CORO2B: variants seen among roughly 807,000 people sequenced by gnomAD.
CORO2B encodes the protein coronin-2B.
Under a neutral mutation model 58.8 loss-of-function variants are expected in CORO2B, and 26 were observed. The observed-to-expected ratio is 0.44, with a 90% CI of 0.32 to 0.61. The LOEUF is 0.61. CORO2B is among the 20% of genes least tolerant of loss of function. The pLI is 0.04. For missense variants in CORO2B, 460 were observed against 645.1 expected, an observed-to-expected ratio of 0.71 and a Z score of 3.11; for synonymous variants, 242 against 253.8, an observed-to-expected ratio of 0.95 and a Z score of 0.44.
chr15:68,521,940 C>T, the CORO2B span, among the ~76,000 whole-genome samples: 1 of 152,042 alleles, frequency 6.6e-6, no homozygotes, highest in East Asian at 1.9e-4. Flanking sequence ...GTAGATGAGA[C>T]TACAGACCAG....
chr15:68,630,874 G>T (rs1900809409), intron 1 of CORO2B, among the ~76,000 whole-genome samples: 1 of 152,192 alleles, frequency 6.6e-6, no homozygotes, highest in Non-Finnish European at 1.5e-5. Context: ...TCAAATGGAA[G>T]CAAAGGCGGG....
intron 6 of CORO2B, 105 bp downstream of exon 6, chr15:68,714,146 C>G: frequency 1.4e-6 from 1 of 716,042 alleles, no homozygotes; most frequent in Non-Finnish European, 2.4e-6. Flanking sequence ...ACCAGCTTCT[C>G]ATAGCATTCC....
At chr15:68,526,530 C>T in the CORO2B span, among the ~76,000 whole-genome samples, 1 of 152,086 alleles carries the variant, frequency 6.6e-6, no homozygotes, top group East Asian at 1.9e-4. Flanking sequence ...TGCTTATTGG[C>T]CATTGGTGCA....
chr15:68,650,965 C>T (rs1276033464), intron 2 of CORO2B, among the ~76,000 whole-genome samples: 2 of 152,072 alleles, frequency 1.3e-5, no homozygotes, highest in African/African-American at 4.8e-5. Context: ...ATCAGCCCTC[C>T]CTTATGTATG....
the CORO2B span, among the ~76,000 whole-genome samples, chr15:68,541,341 A>G: frequency 6.6e-6 from 1 of 152,202 alleles, no homozygotes; most frequent in Non-Finnish European, 1.5e-5. Flanking sequence ...TCCTATTGGC[A>G]CCAAGTAGTA....
chr15:68,684,293 G>A (rs1398576696), intron 2 of CORO2B, among the ~76,000 whole-genome samples: 1 of 152,200 alleles, frequency 6.6e-6, no homozygotes, highest in Non-Finnish European at 1.5e-5. Context: ...GACCCGCAAG[G>A]AGAAATGGAC....
At chr15:68,539,103 C>A in the CORO2B span, among the ~76,000 whole-genome samples, 6 of 152,144 alleles carry the variant, frequency 3.9e-5, no homozygotes. Flanking sequence ...GGAGACAGTC[C>A]AGTAACCAAA....
chr15:68,570,900 C>T, the CORO2B span, among the ~76,000 whole-genome samples: 4 of 151,312 alleles, frequency 2.6e-5, no homozygotes, highest in Admixed American at 2.0e-4. Context: ...CAGCCGCCCA[C>T]AGTGCTGGGA....
At chr15:68,563,260 G>T in the CORO2B span, among the ~76,000 whole-genome samples, 4 of 152,032 alleles carry the variant, frequency 2.6e-5, no homozygotes, top group South Asian at 8.3e-4. Flanking sequence ...GGCCCAGACA[G>T]GAGGATCCCT....
At chr15:68,683,705 C>T (rs1902868937) in intron 2 of CORO2B, among the ~76,000 whole-genome samples, 1 of 152,154 alleles carries the variant, frequency 6.6e-6, no homozygotes, top group South Asian at 2.1e-4. Context: ...TCTCAGGACA[C>T]ACCTGCCTCA....
At chr15:68,588,264 G>A (rs1462413804) in intron 1 of CORO2B, among the ~76,000 whole-genome samples, 1 of 152,166 alleles carries the variant, frequency 6.6e-6, no homozygotes, top group Non-Finnish European at 1.5e-5. Context: ...TCTGTGGGTG[G>A]AAGAGAAAAG....
the CORO2B span, among the ~76,000 whole-genome samples, chr15:68,566,090 G>A: frequency 1.3e-5 from 2 of 152,304 alleles, no homozygotes; most frequent in South Asian, 2.1e-4. Flanking sequence ...TGCGTGCCCT[G>A]CCTGGATGAG....
At chr15:68,714,980 G>T (rs1892998189) in intron 7 of CORO2B, among the ~76,000 whole-genome samples, 1 of 152,136 alleles carries the variant, frequency 6.6e-6, no homozygotes, top group Non-Finnish European at 1.5e-5. Flanking sequence ...AGCCTTGTTT[G>T]TCAGAAAGGC....
chr15:68,653,667 A>G (rs1179302055), intron 2 of CORO2B, among the ~76,000 whole-genome samples: 2 of 152,188 alleles, frequency 1.3e-5, no homozygotes, highest in Non-Finnish European at 2.9e-5. Flanking sequence ...TTAGCTCCAT[A>G]GCTCACAGCA....
chr15:68,603,577 C>T (rs1900035801), intron 1 of CORO2B, among the ~76,000 whole-genome samples: 2 of 151,958 alleles, frequency 1.3e-5, no homozygotes, highest in South Asian at 4.2e-4. Flanking sequence ...GGAGACAGGG[C>T]CTTTAAAGAG....
rs79562404 is a variant in CORO2B, at chr15:68,671,211, C to T, written c.217-23929C>T. On this transcript the variant is annotated intron_variant, in intron 2 of 11. Coordinates refer to ENST00000261861, the MANE Select transcript of CORO2B (RefSeq NM_006091.5). ...CATAAAATGGAGCTGATACTCACCA[C>T]GACATAATAGGAATTATTCTTCCTC... is the stretch of plus-strand genomic sequence containing the variant. 3.2e-3 allele frequency among the ~76,000 whole-genome samples: 489 copies of T among 152,278 alleles called. 16 individuals are homozygous for T. The East Asian group carries it at 0.083, about 26-fold the overall frequency.
intron 2 of CORO2B, among the ~76,000 whole-genome samples, chr15:68,647,400 AAG>A (rs1243957425): frequency 1.3e-5 from 2 of 152,202 alleles, no homozygotes; most frequent in African/African-American, 4.8e-5. Context: ...TAACAAGAAA[AAG>A]AACCCGACCG....
intron 2 of CORO2B, among the ~76,000 whole-genome samples, chr15:68,670,083 A>C (rs1269947163): frequency 2.0e-5 from 3 of 152,098 alleles, no homozygotes; most frequent in Non-Finnish European, 4.4e-5. Flanking sequence ...GGGAAAAATA[A>C]AGAAAAATTT....
At chr15:68,639,065 T>C (rs1409205721) in intron 1 of CORO2B, among the ~76,000 whole-genome samples, 6 of 151,710 alleles carry the variant, frequency 4.0e-5, no homozygotes, top group African/African-American at 1.5e-4. Flanking sequence ...TGAGGGAGGG[T>C]AAGGACCAGA....
Sources: allele counts gnomAD v4.1 joint callset (sites outside exome capture counted in the v4.1 genomes callset), GRCh38; gene constraint gnomAD v4.1.1; transcripts MANE v1.5; gene names NCBI Gene and HGNC (gene_info 2026-07-23, HGNC 2026-07-21).